The following FOXI2 variants were observed in gnomAD, a reference collection of about 807,000 sequenced individuals.
FOXI2 encodes the protein forkhead box protein I2.
In FOXI2, 17 loss-of-function variants were observed where a neutral mutation model predicts 14.3. The ratio of observed to expected loss-of-function variants is 1.19; its 90% confidence interval spans 0.81 to 1.78. FOXI2 has a LOEUF of 1.78. Ranked by LOEUF, FOXI2 falls within the 40% of genes most tolerant of loss-of-function variation. The pLI is 0.00. For missense variants in FOXI2, 541 were observed against 460.0 expected, an observed-to-expected ratio of 1.18 and a Z score of -1.61; for synonymous variants, 240 against 218.8, an observed-to-expected ratio of 1.10 and a Z score of -0.85.
At position 127,738,582 on chromosome 10, in the gene FOXI2, C is replaced by T. The variant is rs1321092760; in HGVS notation, c.574C>T (p.Arg192Ter). 1 of 1,612,612 alleles carries T rather than the reference C, an allele frequency of 6.2e-7. No homozygotes were observed. The highest frequency in any genetic ancestry group is 8.5e-7 in the Non-Finnish European group (1 of 1,179,236). The change falls in exon 2 of 2, where the codon CGA becomes TGA. Residue 192 changes from arginine to a stop codon, truncating the protein, a stop_gained. Coordinates refer to ENST00000388920, the MANE Select transcript of FOXI2 (RefSeq NM_207426.3). LOFTEE classifies it low-confidence loss of function (END_TRUNC). ...GAAGATGTTTGACAACGGGAACTTC[C>T]GAAGGAAGAGGAAGAGGAGAGCTGA... ...CEKMFDNGNF[R>*]RKRKRRAEAS... is the part of the protein sequence containing the mutation.
intron 1 of FOXI2, 110 bp downstream of exon 1, chr10:127,737,894 G>A: frequency 1.4e-6 from 2 of 1,481,262 alleles, no homozygotes; most frequent in African/African-American, 2.8e-5. Context: ...TCCCTGCGCG[G>A]TTGGGGATAC....
Position 127,739,089 on chromosome 10 carries a change from C to T in FOXI2, c.*124C>T. ...TGGTGCCCTGGGAGGAAGCGCAGAG[C>T]CGGGGGCGGCTCGGCCAGCAGGGAG... is the stretch of plus-strand genomic sequence containing the variant. On this transcript the variant is annotated 3_prime_UTR_variant, in exon 2 of 2. Transcript: ENST00000388920. 2 of 878,482 alleles carry T rather than the reference C, an allele frequency of 2.3e-6. No individual in the cohort carries two copies. The highest frequency in any genetic ancestry group is 3.5e-5 in the South Asian group (2 of 56,556). 54.4% of individuals were successfully genotyped at this position (878,482 alleles called of 1,614,324 possible).
chr10:127,738,606 G>A lies in FOXI2; in HGVS notation c.598G>A (p.Glu200Lys), dbSNP rs747156425. Residue 200 changes from glutamate (E) to lysine (K), a missense_variant, in exon 2 of 2, where the codon GAA (glutamate) becomes AAA (lysine). Transcript: ENST00000388920. ...NFRRKRKRRA[E>K]ASAAVRSGAR... is the part of the protein sequence containing the mutation. ...CCGAAGGAAGAGGAAGAGGAGAGCT[G>A]AAGCCAGCGCGGCCGTGCGCTCGGG... 1 of 1,610,352 alleles carries A rather than the reference G, an allele frequency of 6.2e-7. No homozygotes were observed. Among genetic ancestry groups the A allele is most frequent in the Non-Finnish European group, 8.5e-7 (1 of 1,178,248 alleles).
rs772658788 is a variant in FOXI2, at chr10:127,738,707, G to T, written c.699G>T (p.Ser233=). 5.0e-6 allele frequency: 8 copies of T among 1,597,120 alleles called. No individual in the cohort carries two copies. The highest frequency in any genetic ancestry group is 6.8e-6 in the Non-Finnish European group (8 of 1,172,470). ...CGGCTTGCCTGGACCTGCAGGCCTC[G>T]CCCTCTCCATCCGCACCCGAGGCCG... is the stretch of plus-strand genomic sequence containing the variant. The part of the protein sequence containing the change: ...PSAACLDLQA[S]PSPSAPEAAT... The change falls in exon 2 of 2, where the codon TCG becomes TCT. Residue 233 remains serine (S), a synonymous_variant. Coordinates refer to ENST00000388920, the MANE Select transcript of FOXI2 (RefSeq NM_207426.3).
chr10:127,738,727 A>G lies in FOXI2; in HGVS notation c.719A>G (p.Glu240Gly). ...LQASPSPSAP[E>G]AATCFSGFAS... ...GCCTCGCCCTCTCCATCCGCACCCG[A>G]GGCCGCCACCTGCTTCTCCGGTTTC... is the stretch of plus-strand genomic sequence containing the variant. Residue 240 changes from glutamate to glycine, a missense_variant, in exon 2 of 2, where the codon GAG (glutamate) becomes GGG (glycine). By Grantham distance (98) the Glu-to-Gly change is moderately conservative. Coordinates refer to ENST00000388920, the MANE Select transcript of FOXI2 (RefSeq NM_207426.3). 6.3e-7 allele frequency: 1 copy of G among 1,598,202 alleles called. No individual in the cohort carries two copies. The highest frequency in any genetic ancestry group is 8.5e-7 in the Non-Finnish European group (1 of 1,173,490).
In FOXI2 at chr10:127,740,112, A is replaced by ACCCACACTCACACTCACAC. The variant is rs1554874555; in HGVS notation, c.*1149_*1150insCACACTCACACTCACACCC. 5 of 30,132 alleles carry ACCCACACTCACACTCACAC rather than the reference A, an allele frequency of 1.7e-4. No homozygotes were observed. Among genetic ancestry groups the ACCCACACTCACACTCACAC allele is most frequent in the Admixed American group, 4.3e-4 (1 of 2,314 alleles). 1.9% of individuals were successfully genotyped at this position (30,132 alleles called of 1,614,324 possible). A position where few individuals can be genotyped will look rare whatever the true frequency, so the allele number is the denominator to read the frequency against. ...CACTCACACTCACACCCACACTCAC[A>ACCCACACTCACACTCACAC]CCACACTCACACCCACACACACCCA... On this transcript the variant is annotated 3_prime_UTR_variant, in exon 2 of 2. Coordinates refer to ENST00000388920, the MANE Select transcript of FOXI2 (RefSeq NM_207426.3).
In FOXI2 at chr10:127,737,734, T is replaced by G; in HGVS notation, c.461T>G (p.Leu154Arg). ...TGGCAGAACTCCATCCGCCACAACC[T>G]GTCGCTCAACGACTGCTTCAAGAAG... ...AGWQNSIRHN[L>R]SLNDCFKKVP... is the part of the protein sequence containing the mutation. Residue 154 changes from leucine (L) to arginine (R), a missense_variant, in exon 1 of 2, where the codon CTG becomes CGG. Physicochemically the swap from Leu to Arg is moderately radical, Grantham distance 102. Coordinates refer to ENST00000388920, the MANE Select transcript of FOXI2 (RefSeq NM_207426.3). 1.2e-6 allele frequency: 2 copies of G among 1,612,854 alleles called. No individual in the cohort carries two copies. The highest frequency in any genetic ancestry group is 1.7e-6 in the Non-Finnish European group (2 of 1,179,462).
Position 127,737,542 on chromosome 10 carries a change from G to A in FOXI2, c.269G>A (p.Ser90Asn). The A allele has an allele frequency of 6.6e-7, 1 of 1,514,700 alleles. No individual in the cohort carries two copies. Among genetic ancestry groups the A allele is most frequent in the East Asian group, 2.6e-5 (1 of 38,056 alleles). The allele number at this position is 1,514,700 out of a possible 1,614,324, so 93.8% of individuals were successfully genotyped here. A position where few individuals can be genotyped will look rare whatever the true frequency, so the allele number is the denominator to read the frequency against. Reference sequence around the variant, plus strand: ...GCGGGCGCCGACCTCGCCTGGCTGAGCCTCTCCGGCCAGCAGGAGCTGCTG... The same window carrying A: ...GCGGGCGCCGACCTCGCCTGGCTGAACCTCTCCGGCCAGCAGGAGCTGCTG... ...GLAGADLAWL[S>N]LSGQQELLRL... is the part of the protein sequence containing the mutation. The change falls in exon 1 of 2, where the codon AGC (serine) becomes AAC (asparagine). Residue 90 changes from serine (S) to asparagine (N), a missense_variant. Physicochemically the swap from Ser to Asn is conservative, Grantham distance 46 (BLOSUM62 1). Coordinates refer to ENST00000388920, the MANE Select transcript of FOXI2 (RefSeq NM_207426.3).
chr10:127,737,380 G>A lies in FOXI2; in HGVS notation c.107G>A (p.Gly36Asp), dbSNP rs1181095663. The A allele has an allele frequency of 4.3e-6, 6 of 1,397,792 alleles. No homozygotes were observed. The highest frequency in any genetic ancestry group is 4.6e-6 in the Non-Finnish European group (5 of 1,090,466). 86.6% of individuals were successfully genotyped at this position (1,397,792 alleles called of 1,614,324 possible). A position where few individuals can be genotyped will look rare whatever the true frequency, so the allele number is the denominator to read the frequency against. ...GAGCCAGGGGATCTGGGCGCGGTGG[G>A]CGGGGGCCCCCTCCTGTGGGTGAAC... ...GYEPGDLGAV[G>D]GGPLLWVNAP... Residue 36 changes from glycine to aspartate, a missense_variant, in exon 1 of 2, where the codon GGC (glycine) becomes GAC (aspartate). Gly to Asp is a moderately conservative substitution (Grantham distance 94, BLOSUM62 -1). Transcript: ENST00000388920.
chr10:127,737,346 C>T lies in FOXI2; in HGVS notation c.73C>T (p.Pro25Ser), dbSNP rs1335555173. 1.4e-6 allele frequency: 2 copies of T among 1,429,150 alleles called. No homozygotes were observed. Among genetic ancestry groups the T allele is most frequent in the East Asian group, 3.0e-5 (1 of 33,156 alleles). 88.5% of individuals were successfully genotyped at this position (1,429,150 alleles called of 1,614,324 possible). Reference sequence around the variant, plus strand: ...CCAGGCCCAGGCCACCGCGCACCCCCCGGGCTATGAGCCAGGGGATCTGGG... The same window carrying T: ...CCAGGCCCAGGCCACCGCGCACCCCTCGGGCTATGAGCCAGGGGATCTGGG... Reference protein sequence around the residue: ...PGQAQATAHPPGYEPGDLGAV... With the variant: ...PGQAQATAHPSGYEPGDLGAV... Residue 25 changes from proline (P) to serine (S), a missense_variant, in exon 1 of 2, where the codon CCG becomes TCG. By Grantham distance (74) the Pro-to-Ser change is moderately conservative. Transcript: ENST00000388920.
In FOXI2 at chr10:127,741,124, G is replaced by A. The variant is rs1193241288; in HGVS notation, c.*2159G>A. On this transcript the variant is annotated 3_prime_UTR_variant, in exon 2 of 2. Transcript: ENST00000388920. The stretch of plus-strand genomic sequence containing the variant: ...ATTCCTTAGCTTATACATTTAAAAA[G>A]TATCCCTTGAACCTATTTTAATAGA... 1 of 152,196 alleles carries A rather than the reference G, an allele frequency of 6.6e-6. No homozygotes were observed. The highest frequency in any genetic ancestry group is 6.5e-5 in the Admixed American group (1 of 15,276). The allele number at this position is 152,196 out of a possible 1,614,324, so 9.4% of individuals were successfully genotyped here.
Position 127,738,872 on chromosome 10 carries a change from C to T in FOXI2, c.864C>T (p.Asn288=), listed in dbSNP as rs902620705. The change falls in exon 2 of 2, where the codon AAC becomes AAT. Residue 288 remains asparagine, a synonymous_variant. Transcript: ENST00000388920. ...TVATHAPQTL[N]PSPGFAPGHQ... ...CCACCCACGCTCCCCAGACCCTTAA[C>T]CCCTCCCCTGGCTTCGCCCCTGGCC... 1 of 1,607,914 alleles carries T rather than the reference C, an allele frequency of 6.2e-7. No homozygotes were observed. The highest frequency in any genetic ancestry group is 8.5e-7 in the Non-Finnish European group (1 of 1,179,292).
Position 127,739,168 on chromosome 10 carries a change from C to T in FOXI2, c.*203C>T. 1.8e-6 allele frequency: 1 copy of T among 551,470 alleles called. No individual in the cohort carries two copies. Among genetic ancestry groups the T allele is most frequent in the Non-Finnish European group, 3.1e-6 (1 of 318,076 alleles). The allele number at this position is 551,470 out of a possible 1,614,324, so 34.2% of individuals were successfully genotyped here. ...GTGGGTGGCCCTTCTGCTGTGCACC[C>T]CTCACCCAGGCGACCTTCGGAACCT... is the stretch of plus-strand genomic sequence containing the variant. On this transcript the variant is annotated 3_prime_UTR_variant, in exon 2 of 2. Transcript: ENST00000388920.
At position 127,739,172 on chromosome 10, in the gene FOXI2, A is replaced by C; in HGVS notation, c.*207A>C. The C allele has an allele frequency of 3.7e-6, 2 of 538,204 alleles. No homozygotes were observed. The highest frequency in any genetic ancestry group is 5.1e-5 in the South Asian group (2 of 39,178). 33.3% of individuals were successfully genotyped at this position (538,204 alleles called of 1,614,324 possible). A position where few individuals can be genotyped will look rare whatever the true frequency, so the allele number is the denominator to read the frequency against. On this transcript the variant is annotated 3_prime_UTR_variant, in exon 2 of 2. Transcript: ENST00000388920. ...GTGGCCCTTCTGCTGTGCACCCCTC[A>C]CCCAGGCGACCTTCGGAACCTCCCT...
chr10:127,739,840 CACACT>C lies in FOXI2; in HGVS notation c.*876_*880del, dbSNP rs1564749075. The C allele has an allele frequency of 1.3e-3, 38 of 30,324 alleles. 3 individuals are homozygous for C. The highest frequency in any genetic ancestry group is 3.3e-3 in the Admixed American group (9 of 2,746). 1.9% of individuals were successfully genotyped at this position (30,324 alleles called of 1,614,324 possible). On this transcript the variant is annotated 3_prime_UTR_variant, in exon 2 of 2. Coordinates refer to ENST00000388920, the MANE Select transcript of FOXI2 (RefSeq NM_207426.3). ...CCACACCCACACCCACACCCACACTCACACTCACACTCACACCCACACTCACACCC... is the reference window on the plus strand; with the variant it reads ...CCACACCCACACCCACACCCACACTCCACACTCACACCCACACTCACACCC...
rs1240572544 is a variant in FOXI2, at chr10:127,738,678, A to C, written c.670A>C (p.Ser224Arg). 2 of 1,595,538 alleles carry C rather than the reference A, an allele frequency of 1.3e-6. No individual in the cohort carries two copies. Among genetic ancestry groups the C allele is most frequent in the Non-Finnish European group, 1.7e-6 (2 of 1,171,312 alleles). ...GAEAPALEPP[S>R]AACLDLQASP... The stretch of plus-strand genomic sequence containing the variant: ...CGAGGCGCCAGCGCTGGAGCCCCCG[A>C]GCGCGGCTTGCCTGGACCTGCAGGC... Residue 224 changes from serine to arginine, a missense_variant, in exon 2 of 2, where the codon AGC becomes CGC. By Grantham distance (110) the Ser-to-Arg change is moderately radical. Transcript: ENST00000388920.
Position 127,738,259 on chromosome 10 carries a change from G to A in FOXI2, c.512-261G>A, listed in dbSNP as rs116758852. Among the ~76,000 whole-genome samples, 704 of 152,138 alleles carry A rather than the reference G, an allele frequency of 4.6e-3. 5 individuals carry two copies. The highest frequency in any genetic ancestry group is 0.015 in the African/African-American group (617 of 41,526). On this transcript the variant is annotated intron_variant, in intron 1 of 1. Coordinates refer to ENST00000388920, the MANE Select transcript of FOXI2 (RefSeq NM_207426.3). Reference sequence around the variant, plus strand: ...GGCGGAGTCCCACCATTAGCATCTCGCAGGCCTTCCTTCACCTTAACGGGG... The same window carrying A: ...GGCGGAGTCCCACCATTAGCATCTCACAGGCCTTCCTTCACCTTAACGGGG...
rs1313463905 is a variant in FOXI2, at chr10:127,740,203, C to CA, written c.*1238_*1239insA. On this transcript the variant is annotated 3_prime_UTR_variant, in exon 2 of 2. Transcript: ENST00000388920. ...CCCACACCCACACCCACACCCACAC[C>CA]CACACCCACACCCACACTCACACAG... 146 of 141,732 alleles carry CA rather than the reference C, an allele frequency of 1.0e-3. 11 individuals are homozygous for CA. Among genetic ancestry groups the CA allele is most frequent in the Middle Eastern group, 3.8e-3 (1 of 262 alleles). 8.8% of individuals were successfully genotyped at this position (141,732 alleles called of 1,614,324 possible). A position where few individuals can be genotyped will look rare whatever the true frequency, so the allele number is the denominator to read the frequency against.
Position 127,737,559 on chromosome 10 carries a change from G to A in FOXI2, c.286G>A (p.Glu96Lys). The change falls in exon 1 of 2, where the codon GAG becomes AAG. Residue 96 changes from glutamate (E) to lysine (K), a missense_variant. Glu to Lys is a moderately conservative substitution (Grantham distance 56). Coordinates refer to ENST00000388920, the MANE Select transcript of FOXI2 (RefSeq NM_207426.3). ...CTGGCTGAGCCTCTCCGGCCAGCAG[G>A]AGCTGCTGAGGCTGGTGCGGCCGCC... ...LAWLSLSGQQ[E>K]LLRLVRPPYS... The A allele has an allele frequency of 6.5e-7, 1 of 1,537,724 alleles. No homozygotes were observed. Among genetic ancestry groups the A allele is most frequent in the Non-Finnish European group, 8.8e-7 (1 of 1,140,982 alleles).
Sources: gnomAD v4.1 joint callset for allele counts (sites outside exome capture counted in the v4.1 genomes callset) on GRCh38, gnomAD v4.1.1 for gene constraint, MANE v1.5 for transcripts, NCBI Gene and HGNC (gene_info 2026-07-23, HGNC 2026-07-21) for gene names.